Variants in THAP4 observed in about 807,000 individuals in gnomAD.
THAP4 encodes THAP domain containing 4.
THAP4 carries 18 observed loss-of-function variants against 48.1 expected under a neutral mutation model. That is an observed-to-expected ratio of 0.37 (90% CI 0.26 to 0.56). The LOEUF (loss-of-function observed/expected upper bound fraction) is 0.56, where lower values mean the gene tolerates loss of function less well. THAP4 is among the 20% of genes least tolerant of loss of function. THAP4 has a pLI of 0.78. For synonymous variants in THAP4, 345 were observed against 324.9 expected, an observed-to-expected ratio of 1.06 and a Z score of -0.66; for missense variants, 656 against 774.9, an observed-to-expected ratio of 0.85 and a Z score of 1.82.
Position 241,634,796 on chromosome 2 carries a change from T to C in THAP4, c.78-717A>G, listed in dbSNP as rs149060218. ...AAGACTGCACCACTGCTCCCCATCC[T>C]GGGGAACAGAGTGAAACCCGGTCTT... On this transcript the variant is annotated intron_variant, in intron 1 of 5. Transcript: ENST00000407315. Among the ~76,000 whole-genome samples the C allele has an allele frequency of 2.6e-3, 391 of 152,340 alleles. 12 individuals carry two copies. The East Asian group carries it at 0.057, about 22-fold the overall frequency.
chr2:241,636,928 G>C lies in THAP4; in HGVS notation c.77+13C>G. ...GGTCGGGGCGGGGGCGTGGCGGCCCGGGGCCCGCGTACCTGTGGAAGGAGA... is the reference window on the plus strand; with the variant it reads ...GGTCGGGGCGGGGGCGTGGCGGCCCCGGGCCCGCGTACCTGTGGAAGGAGA... On this transcript the variant is annotated intron_variant, in intron 1 of 5. Transcript: ENST00000407315. 2.4e-6 allele frequency: 3 copies of C among 1,238,394 alleles called. No individual in the cohort carries two copies. Among genetic ancestry groups the C allele is most frequent in the Admixed American group, 2.7e-5 (1 of 37,634 alleles). 76.7% of individuals were successfully genotyped at this position (1,238,394 alleles called of 1,614,324 possible).
At chr2:241,624,835 A>G (rs2067477551) in intron 2 of THAP4, among the ~76,000 whole-genome samples, 1 of 152,162 alleles carries the variant, frequency 6.6e-6, no homozygotes, top group African/African-American at 2.4e-5. Context: ...AGAACATTCC[A>G]AGGGATTAGG....
intron 2 of THAP4, 133 bp downstream of exon 2, chr2:241,632,784 G>C (rs542588270): frequency 1.5e-6 from 1 of 680,298 alleles, no homozygotes; most frequent in South Asian, 2.0e-5. Context: ...GTATGGTTAC[G>C]ACCAGAGCTT....
In THAP4 at chr2:241,633,460, C is replaced by T. The variant is rs1198177622; in HGVS notation, c.697G>A (p.Gly233Ser). 2.5e-6 allele frequency: 4 copies of T among 1,614,026 alleles called. No homozygotes were observed. Among genetic ancestry groups the T allele is most frequent in the Non-Finnish European group, 3.4e-6 (4 of 1,180,010 alleles). ...GAGAAACTGTACGAATGAAGTGAGC[C>T]GATAAATTTGCACGCCCCAGATCCT... ...PPGSGACKFI[G>S]SLHSYSFSSK... The change falls in exon 2 of 6, where the codon GGC becomes AGC. Residue 233 changes from glycine (G) to serine (S), a missense_variant. Physicochemically the swap from Gly to Ser is moderately conservative, Grantham distance 56. Transcript: ENST00000407315. The surrounding 1 kb of genome is among the most constrained non-coding windows in gnomAD (Gnocchi z 7.5).
At chr2:241,585,930 G>GA (rs1247935159) in intron 5 of THAP4, among the ~76,000 whole-genome samples, 14 of 109,004 alleles carry the variant, frequency 1.3e-4, no homozygotes, top group African/African-American at 1.5e-4. Flanking sequence ...AAAAAAAAAA[G>GA]AAAAAAAAAA....
Position 241,610,358 on chromosome 2 carries a change from C to T in THAP4, c.1241-3885G>A, listed in dbSNP as rs1447689172. 2.6e-5 allele frequency among the ~76,000 whole-genome samples: 4 copies of T among 152,132 alleles called. No individual in the cohort carries two copies. The highest frequency in any genetic ancestry group is 2.0e-4 in the Admixed American group (3 of 15,276). ...TGCGGGACCGGGAGGGCCGCGCTCG[C>T]CCCCCAGCGCCAGGGTCACGCCACC... On this transcript the variant is annotated intron_variant, in intron 2 of 5. Coordinates refer to ENST00000407315, the MANE Select transcript of THAP4 (RefSeq NM_015963.6). The surrounding 1 kb of genome is among the most constrained non-coding windows in gnomAD (Gnocchi z 4.2).
chr2:241,604,354 G>T (rs968669132), intron 3 of THAP4, among the ~76,000 whole-genome samples: 4 of 152,022 alleles, frequency 2.6e-5, no homozygotes, highest in Non-Finnish European at 4.4e-5. Flanking sequence ...GAGTTCAAGC[G>T]ATTCTCCTGC....
intron 5 of THAP4, among the ~76,000 whole-genome samples, chr2:241,590,944 C>A: frequency 6.8e-6 from 1 of 146,480 alleles, no homozygotes; most frequent in South Asian, 2.1e-4. Context: ...CTAGGACACA[C>A]AGAGCTGCTC....
At chr2:241,611,953 A>T (rs1158196656) in intron 2 of THAP4, among the ~76,000 whole-genome samples, 1 of 151,938 alleles carries the variant, frequency 6.6e-6, no homozygotes, top group Non-Finnish European at 1.5e-5. Flanking sequence ...CCCAGGCTGG[A>T]GTGCAGTGGC....
chr2:241,609,292 T>C (rs984754784), intron 2 of THAP4, among the ~76,000 whole-genome samples: 3 of 152,174 alleles, frequency 2.0e-5, no homozygotes, highest in African/African-American at 7.2e-5. Flanking sequence ...CCTGAGCAAT[T>C]GAGAAGACAA....
chr2:241,621,872 G>GA (rs574954262), intron 2 of THAP4, among the ~76,000 whole-genome samples: 7 of 148,396 alleles, frequency 4.7e-5, no homozygotes, highest in Non-Finnish European at 8.9e-5. Context: ...GAATCAAAAG[G>GA]AAAAAAAATC....
chr2:241,624,200 A>G (rs917457519), intron 2 of THAP4, among the ~76,000 whole-genome samples: 5 of 152,356 alleles, frequency 3.3e-5, no homozygotes, highest in Non-Finnish European at 7.3e-5. Flanking sequence ...TTTAAAAGAC[A>G]CAAATAGCCA....
intron 2 of THAP4, among the ~76,000 whole-genome samples, chr2:241,614,316 C>A (rs1456006937): frequency 1.3e-5 from 2 of 152,274 alleles, no homozygotes; most frequent in East Asian, 3.9e-4. Flanking sequence ...ATCTTAGCAT[C>A]ACGTAAAATG....
chr2:241,637,480 A>C, upstream of THAP4: 1 of 1,451,828 alleles, frequency 6.9e-7, no homozygotes, highest in Non-Finnish European at 9.0e-7. Flanking sequence ...CGGACAGCAG[A>C]ACCAGCCGTC....
At chr2:241,598,955 T>TA (rs2067081489) in intron 5 of THAP4, among the ~76,000 whole-genome samples, 1 of 149,046 alleles carries the variant, frequency 6.7e-6, no homozygotes, top group Admixed American at 6.7e-5. Context: ...ATTTTACAAC[T>TA]AAAAAAAAGG....
chr2:241,593,624 C>A (rs550909699), intron 5 of THAP4, among the ~76,000 whole-genome samples: 1 of 152,172 alleles, frequency 6.6e-6, no homozygotes, highest in Non-Finnish European at 1.5e-5. Flanking sequence ...TACCAGTGGC[C>A]GTGGATGAAG....
chr2:241,584,783 T>C (rs1358509409), intron 5 of THAP4, 58 bp from the exon 6 acceptor site: 2 of 1,607,422 alleles, frequency 1.2e-6, no homozygotes, highest in Admixed American at 3.3e-5. Flanking sequence ...ATTCAATCAA[T>C]GCCTGTGCGC....
rs2067599057 is a variant in THAP4 at position 241,633,610 on chromosome 2, C to T, written c.547G>A (p.Val183Met). ...TCTGCTTTTCCCTGACTGCCTGCCA[C>T]CATGGTGGCCAGTCCATCTCCTGGA... ...RTPGDGLATM[V>M]AGSQGKAEAS... The change falls in exon 2 of 6, where the codon GTG becomes ATG. Residue 183 changes from valine (V) to methionine (M), a missense_variant. Val to Met is a conservative substitution (Grantham distance 21, BLOSUM62 1). This residue lies in a region of THAP4 where 391 missense variants were observed against 412.4 expected (regional missense o/e 0.95). Coordinates refer to ENST00000407315, the MANE Select transcript of THAP4 (RefSeq NM_015963.6). This position sits in a 1 kb window ranked among gnomAD's most constrained non-coding sequence, Gnocchi z 7.5. 2 of 1,613,212 alleles carry T rather than the reference C, an allele frequency of 1.2e-6. No individual in the cohort carries two copies. The highest frequency in any genetic ancestry group is 2.7e-5 in the African/African-American group (2 of 74,922).
At chr2:241,623,216 AAAT>A (rs550843429) in intron 2 of THAP4, among the ~76,000 whole-genome samples, 4 of 151,920 alleles carry the variant, frequency 2.6e-5, no homozygotes, top group Non-Finnish European at 5.9e-5. Flanking sequence ...ACTCTGTCAA[AAAT>A]AATAATAATA....
Sources: gnomAD v4.1 joint callset for allele counts (sites outside exome capture counted in the v4.1 genomes callset) on GRCh38, gnomAD v4.1.1 for gene constraint, gnomAD v4.1.1 regional missense constraint, Gnocchi (gnomAD v3.1) non-coding constraint, MANE v1.5 for transcripts, NCBI Gene and HGNC (gene_info 2026-07-23, HGNC 2026-07-21) for gene names.